SP3: variants seen among roughly 807,000 people sequenced by gnomAD.
SP3 encodes the protein transcription factor Sp3.
Under a neutral mutation model 70.3 loss-of-function variants are expected in SP3, and 10 were observed. The observed-to-expected ratio is 0.14, with a 90% CI of 0.09 to 0.24. SP3 has a LOEUF of 0.24. Among genes scored for constraint, SP3 ranks in the 10% least tolerant of loss-of-function variants. The pLI is 1.00. For missense variants in SP3, 825 were observed against 914.6 expected (o/e 0.90, Z 1.26); for synonymous variants, 402 against 333.5 (o/e 1.21, Z -2.24).
chr2:173,932,838 A>G (rs1690103573), intron 4 of SP3, among the ~76,000 whole-genome samples: 1 of 152,070 alleles, frequency 6.6e-6, no homozygotes, highest in African/African-American at 2.4e-5. Context: ...TAAAAATACA[A>G]AACATTAGCC....
Position 173,905,767 on chromosome 2 carries a change from G to A in SP3, c.*4174C>T, listed in dbSNP as rs1306854287. On this transcript the variant is annotated 3_prime_UTR_variant, in exon 7 of 7. Transcript: ENST00000310015. The stretch of plus-strand genomic sequence containing the variant: ...TAATCCCAACACTTTGGGAGGCAGA[G>A]GTGGAAGGATCACTTGAGCCCAGGA... Among the ~76,000 whole-genome samples the A allele has an allele frequency of 6.6e-6, 1 of 152,162 alleles. No individual in the cohort carries two copies. Among genetic ancestry groups the A allele is most frequent in the Non-Finnish European group, 1.5e-5 (1 of 68,030 alleles).
At chr2:173,947,136 T>C (rs1238645181) in intron 4 of SP3, among the ~76,000 whole-genome samples, 1 of 152,232 alleles carries the variant, frequency 6.6e-6, no homozygotes, top group African/African-American at 2.4e-5. Flanking sequence ...AACTTATTTC[T>C]ACTTATCAAC....
At chr2:173,964,731 C>CAGATA in intron 1 of SP3, 178 bp from the exon 2 acceptor site, 1 of 410,564 alleles carries the variant, frequency 2.4e-6, no homozygotes, top group Non-Finnish European at 4.3e-6. Context: ...CTGCTGCTGC[C>CAGATA]CCCGCCCGCC....
Position 173,963,754 on chromosome 2 carries a change from G to A in SP3, c.279+7C>T. ...CTCGGCGGGGGCGGGCCGCGCGCGG[G>A]ACTTACCGCTCCGGCGGCGGCGGGG... On this transcript the variant is annotated splice_region_variant and intron_variant, in intron 3 of 6. Transcript: ENST00000310015. 3 of 1,185,154 alleles carry A rather than the reference G, an allele frequency of 2.5e-6. No individual in the cohort carries two copies. Among genetic ancestry groups the A allele is most frequent in the Non-Finnish European group, 3.2e-6 (3 of 938,976 alleles). 73.4% of individuals were successfully genotyped at this position (1,185,154 alleles called of 1,614,324 possible).
chr2:173,963,777 G>A lies in SP3; in HGVS notation c.263C>T (p.Pro88Leu), dbSNP rs1417359943. Reference protein sequence around the residue: ...EEEAAAAAGAPAAAGATGDLA... With the variant: ...EEEAAAAAGALAAAGATGDLA... ...GGGACTTACCGCTCCGGCGGCGGCG[G>A]GGGCCCCGGCTGCGGCGGCCGCCTC... The change falls in exon 3 of 7, where the codon CCC (proline) becomes CTC (leucine). Residue 88 changes from proline (P) to leucine (L), a missense_variant. By Grantham distance (98) the Pro-to-Leu change is moderately conservative (BLOSUM62 -3). This residue lies in a region of SP3 where 678 missense variants were observed against 651.6 expected (regional missense o/e 1.04). Transcript: ENST00000310015. 2 of 1,345,026 alleles carry A rather than the reference G, an allele frequency of 1.5e-6. No homozygotes were observed. The highest frequency in any genetic ancestry group is 9.7e-7 in the Non-Finnish European group (1 of 1,032,784). 83.3% of individuals were successfully genotyped at this position (1,345,026 alleles called of 1,614,324 possible).
intron 5 of SP3, among the ~76,000 whole-genome samples, chr2:173,917,367 G>A (rs921975117): frequency 6.6e-6 from 1 of 152,084 alleles, no homozygotes; most frequent in Non-Finnish European, 1.5e-5. Context: ...AGATGTAGAA[G>A]GAGAGTCACT....
At chr2:173,935,453 T>C (rs1358982743) in intron 4 of SP3, among the ~76,000 whole-genome samples, 1 of 152,134 alleles carries the variant, frequency 6.6e-6, no homozygotes, top group African/African-American at 2.4e-5. Flanking sequence ...AACTAAACTT[T>C]ACAATGCCAA....
In SP3 at chr2:173,902,595, T is replaced by C. The variant is rs1005249173; in HGVS notation, c.*7346A>G. 3.3e-5 allele frequency among the ~76,000 whole-genome samples: 5 copies of C among 152,210 alleles called. No individual in the cohort carries two copies. The South Asian group carries it at 6.2e-4, about 19-fold the overall frequency. ...AGATGCTCATCAAGAAGAAAATGGATACATTGTGATAAACTTATTCAATGA... is the reference window on the plus strand; with the variant it reads ...AGATGCTCATCAAGAAGAAAATGGACACATTGTGATAAACTTATTCAATGA... On this transcript the variant is annotated 3_prime_UTR_variant, in exon 7 of 7. Coordinates refer to ENST00000310015, the MANE Select transcript of SP3 (RefSeq NM_003111.5).
rs374404211 is a variant in SP3 at position 173,926,444 on chromosome 2, G to A, written c.1640-7659C>T. On this transcript the variant is annotated intron_variant, in intron 4 of 6. Transcript: ENST00000310015. ...TGCTACTCACCAAGAATACAAAAAT[G>A]AGGCAGGTGGTCCCCAGAAAAGCCC... Among the ~76,000 whole-genome samples the A allele has an allele frequency of 1.1e-3, 173 of 152,170 alleles. 3 individuals are homozygous for A. Among genetic ancestry groups the A allele is most frequent in the African/African-American group, 4.0e-3 (165 of 41,532 alleles).
At position 173,909,236 on chromosome 2, in the gene SP3, T is replaced by C. The variant is rs926468771; in HGVS notation, c.*705A>G. On this transcript the variant is annotated 3_prime_UTR_variant, in exon 7 of 7. Coordinates refer to ENST00000310015, the MANE Select transcript of SP3 (RefSeq NM_003111.5). ...TTTAAACTTTTTTAAACATTGGTTA[T>C]ATTGCCCAACTTCGTTATTGAAAGA... The C allele has an allele frequency of 1.3e-5, 2 of 152,590 alleles. No individual in the cohort carries two copies. Among genetic ancestry groups the C allele is most frequent in the Admixed American group, 6.5e-5 (1 of 15,282 alleles). The allele number at this position is 152,590 out of a possible 1,614,324, so 9.5% of individuals were successfully genotyped here. A position where few individuals can be genotyped will look rare whatever the true frequency, so the allele number is the denominator to read the frequency against.
At chr2:173,963,687 T>C (rs1691161962) in intron 3 of SP3, 74 bp downstream of exon 3, 1 of 529,422 alleles carries the variant, frequency 1.9e-6, no homozygotes, top group African/African-American at 2.1e-5. Flanking sequence ...GGGAGGCCTT[T>C]TGGGCAGGCG....
At chr2:173,961,943 T>TTTG (rs1691098026) in intron 3 of SP3, among the ~76,000 whole-genome samples, 4 of 150,242 alleles carry the variant, frequency 2.7e-5, no homozygotes, top group African/African-American at 4.9e-5. Flanking sequence ...GGGTTTTTTT[T>TTTG]TTTTTTTTTT....
rs111295868 is a variant in SP3, at chr2:173,912,935, A to G, written c.2029+135T>C. On this transcript the variant is annotated intron_variant, in intron 6 of 6. Coordinates refer to ENST00000310015, the MANE Select transcript of SP3 (RefSeq NM_003111.5). ...TTTGTGTTATTAAGATGGTGTTACT[A>G]AAGGTAAAAATTGGATGTAATTCAT... 236 of 556,336 alleles carry G rather than the reference A, an allele frequency of 4.2e-4. 5 individuals are homozygous for G. Among genetic ancestry groups the G allele is most frequent in the African/African-American group, 4.1e-3 (209 of 51,096 alleles). The allele number at this position is 556,336 out of a possible 1,614,324, so 34.5% of individuals were successfully genotyped here.
chr2:173,941,641 TTAAG>T (rs570822831), intron 4 of SP3, among the ~76,000 whole-genome samples: 10 of 152,202 alleles, frequency 6.6e-5, no homozygotes, highest in Non-Finnish European at 1.3e-4. Flanking sequence ...TCCTCCTTTC[TTAAG>T]TAATTTACAC....
At chr2:173,910,861 A>G (rs1192702456) in intron 6 of SP3, among the ~76,000 whole-genome samples, 2 of 152,196 alleles carry the variant, frequency 1.3e-5, no homozygotes, top group Non-Finnish European at 2.9e-5. Context: ...TAAAATCCTG[A>G]TGCCTAAATT....
rs745461423 is a variant in SP3 at position 173,903,051 on chromosome 2, T to C, written c.*6890A>G. Among the ~76,000 whole-genome samples, 14 of 152,270 alleles carry C rather than the reference T, an allele frequency of 9.2e-5. No individual in the cohort carries two copies. Among genetic ancestry groups the C allele is most frequent in the Admixed American group, 5.9e-4 (9 of 15,294 alleles). ...CATAATAAAAAAGGCACAATACGAA[T>C]ACTAGCAGTTTCGTTAATAAATGTT... On this transcript the variant is annotated 3_prime_UTR_variant, in exon 7 of 7. Coordinates refer to ENST00000310015, the MANE Select transcript of SP3 (RefSeq NM_003111.5).
intron 4 of SP3, among the ~76,000 whole-genome samples, chr2:173,953,805 C>T (rs1690794286): frequency 6.6e-6 from 1 of 151,664 alleles, no homozygotes; most frequent in African/African-American, 2.4e-5. Context: ...ACAACTACTG[C>T]TCTAAACCAG....
At position 173,959,582 on chromosome 2, in the gene SP3, C is replaced by T. The variant is rs147777346; in HGVS notation, c.280-3350G>A. 2.0e-4 allele frequency among the ~76,000 whole-genome samples: 31 copies of T among 151,986 alleles called. No individual in the cohort carries two copies. The East Asian group carries it at 4.1e-3, about 20-fold the overall frequency. On this transcript the variant is annotated intron_variant, in intron 3 of 6. Coordinates refer to ENST00000310015, the MANE Select transcript of SP3 (RefSeq NM_003111.5). The stretch of plus-strand genomic sequence containing the variant: ...CTCTACTAAAAAGACAAAAATTAGC[C>T]GGGCATGGTGTACATCTGTAGTCCC...
rs1045568777 is a variant in SP3 at position 173,906,550 on chromosome 2, T to C, written c.*3391A>G. ...CATATAATTAAAACTGAAAACCAAA[T>C]TGTGTAACAGGTAGCATAACATGTC... On this transcript the variant is annotated 3_prime_UTR_variant, in exon 7 of 7. Transcript: ENST00000310015. The C allele has an allele frequency of 6.6e-6, 1 of 152,222 alleles. No homozygotes were observed. Among genetic ancestry groups the C allele is most frequent in the African/African-American group, 2.4e-5 (1 of 41,456 alleles). 9.4% of individuals were successfully genotyped at this position (152,222 alleles called of 1,614,324 possible).
Sources: gnomAD v4.1 joint callset for allele counts (sites outside exome capture counted in the v4.1 genomes callset) on GRCh38, gnomAD v4.1.1 for gene constraint, gnomAD v4.1.1 regional missense constraint, MANE v1.5 for transcripts, NCBI Gene and HGNC (gene_info 2026-07-23, HGNC 2026-07-21) for gene names.